Variants in SESN1 observed in about 807,000 individuals in gnomAD.
SESN1 encodes the protein sestrin 1.
SESN1 carries 30 observed loss-of-function variants against 59.3 expected under a neutral mutation model. The observed-to-expected ratio is 0.51, with a 90% CI of 0.38 to 0.69. The LOEUF is 0.69. SESN1 is among the 30% of genes least tolerant of loss of function. The pLI is 0.00. For missense variants in SESN1, 566 were observed against 673.0 expected (o/e 0.84, Z 1.76); for synonymous variants, 197 against 219.9 (o/e 0.90, Z 0.92).
chr6:109,022,075 AT>A (rs1360749353), intron 1 of SESN1, among the ~76,000 whole-genome samples: 1 of 150,420 alleles, frequency 6.6e-6, no homozygotes, highest in Non-Finnish European at 1.5e-5. Context: ...CCCAGTATAT[AT>A]TTTTTGAGAA....
intron 5 of SESN1, among the ~76,000 whole-genome samples, chr6:108,996,075 C>G (rs1177969715): frequency 3.3e-5 from 5 of 152,160 alleles, no homozygotes; most frequent in African/African-American, 1.2e-4. Context: ...GCTCCCTTCC[C>G]AGACCAAACC....
At chr6:109,078,119 ATATT>A (rs1276318783) in intron 1 of SESN1, among the ~76,000 whole-genome samples, 16 of 152,110 alleles carry the variant, frequency 1.1e-4, no homozygotes, top group African/African-American at 3.1e-4. Flanking sequence ...TTAAATTTGT[ATATT>A]TATTTCTTTT....
intron 1 of SESN1, among the ~76,000 whole-genome samples, chr6:109,074,832 A>T (rs1781005085): frequency 6.6e-6 from 1 of 152,226 alleles, no homozygotes; most frequent in Non-Finnish European, 1.5e-5. Flanking sequence ...GCTGACTGCC[A>T]TTTCCTACCT....
At chr6:108,994,001 A>G (rs947804100) in intron 6 of SESN1, among the ~76,000 whole-genome samples, 5 of 152,054 alleles carry the variant, frequency 3.3e-5, no homozygotes, top group Non-Finnish European at 7.4e-5. Flanking sequence ...TTAAGCAGGC[A>G]TGGTGGCATG....
At chr6:109,026,341 G>T (rs1294786964) in intron 1 of SESN1, among the ~76,000 whole-genome samples, 3 of 152,100 alleles carry the variant, frequency 2.0e-5, no homozygotes, top group African/African-American at 7.2e-5. Context: ...AGTCAACAAA[G>T]AAAAAGTTCT....
chr6:109,087,172 G>T (rs887399222), intron 1 of SESN1, among the ~76,000 whole-genome samples: 1 of 151,894 alleles, frequency 6.6e-6, no homozygotes, highest in Non-Finnish European at 1.5e-5. Flanking sequence ...TAAAATAGAC[G>T]AAATCTGAAC....
chr6:109,028,535 T>C (rs1780131800), intron 1 of SESN1, among the ~76,000 whole-genome samples: 1 of 152,192 alleles, frequency 6.6e-6, no homozygotes, highest in African/African-American at 2.4e-5. Flanking sequence ...AGCAAAAAAG[T>C]AAAGTGGTCT....
At chr6:109,090,616 T>A (rs1406039023) in intron 1 of SESN1, 1 of 152,206 alleles carries the variant, frequency 6.6e-6, no homozygotes, top group Non-Finnish European at 1.5e-5. Flanking sequence ...TGGACGTGGA[T>A]AATCATGAAG....
rs1254750453 is a variant in SESN1 at position 108,990,717 on chromosome 6, A to G, written c.1352T>C (p.Met451Thr). Residue 451 changes from methionine (M) to threonine (T), a missense_variant, in exon 8 of 10, where the codon ATG becomes ACG. Transcript: ENST00000436639. ...AYNLTYNTMAMHKDVDTSMLR... is the reference protein window; with the variant it reads ...AYNLTYNTMATHKDVDTSMLR... ...CATTGAGGTATCAACATCTTTGTGC[A>G]TTGCCATTGTATTATAAGTAAGATT... 6.2e-7 allele frequency: 1 copy of G among 1,614,152 alleles called. No homozygotes were observed. The highest frequency in any genetic ancestry group is 8.5e-7 in the Non-Finnish European group (1 of 1,180,008).
At chr6:109,093,028 G>A (rs1004164623) in intron 1 of SESN1, among the ~76,000 whole-genome samples, 3 of 152,218 alleles carry the variant, frequency 2.0e-5, no homozygotes, top group Admixed American at 1.3e-4. Flanking sequence ...ATAAGGTGTT[G>A]CTGAATATTG....
chr6:108,995,459 G>C (rs1779484688), intron 5 of SESN1, among the ~76,000 whole-genome samples: 1 of 152,182 alleles, frequency 6.6e-6, no homozygotes, highest in Non-Finnish European at 1.5e-5. Flanking sequence ...CACTTGCTGG[G>C]ATGACTAGAG....
Position 108,988,614 on chromosome 6 carries a change from C to T in SESN1, c.1498G>A (p.Val500Ile). ...RSFKVYIKTV[V>I]CTPEKVTKRM... ...TTGGTAACCTTTTCAGGAGTGCAAA[C>T]AACAGTTTTGATATAAACTTTAAAG... The change falls in exon 9 of 10, where the codon GTT becomes ATT. Residue 500 changes from valine to isoleucine, a missense_variant. Physicochemically the swap from Val to Ile is conservative, Grantham distance 29. Coordinates refer to ENST00000436639, the MANE Select transcript of SESN1 (RefSeq NM_014454.3). The T allele has an allele frequency of 6.2e-7, 1 of 1,613,102 alleles. No individual in the cohort carries two copies. Among genetic ancestry groups the T allele is most frequent in the Non-Finnish European group, 8.5e-7 (1 of 1,179,522 alleles).
intron 1 of SESN1, among the ~76,000 whole-genome samples, chr6:109,044,792 G>A (rs1345689188): frequency 6.6e-6 from 1 of 152,150 alleles, no homozygotes. Context: ...GGGAGGTCGA[G>A]GAGGGCAGAT....
Position 108,994,054 on chromosome 6 carries a change from C to G in SESN1, c.1120+408G>C, listed in dbSNP as rs866711206. On this transcript the variant is annotated intron_variant, in intron 6 of 9. Transcript: ENST00000436639. The stretch of plus-strand genomic sequence containing the variant: ...ACTCAGGAAGCTGAGGCAGGATGAT[C>G]GCTTGAGCCTAAGAGTCTCAGGTTA... Among the ~76,000 whole-genome samples the G allele has an allele frequency of 1.1e-4, 17 of 150,086 alleles. No homozygotes were observed. In the Middle Eastern group the frequency reaches 0.014, roughly 121 times the overall value.
chr6:109,048,200 T>C (rs188589211), intron 1 of SESN1, among the ~76,000 whole-genome samples: 37 of 152,300 alleles, frequency 2.4e-4, no homozygotes, highest in African/African-American at 6.7e-4. Context: ...CCTTAATCTT[T>C]TGTCTTCCAA....
At chr6:109,065,776 A>C (rs1477261452) in intron 1 of SESN1, among the ~76,000 whole-genome samples, 1 of 151,928 alleles carries the variant, frequency 6.6e-6, no homozygotes, top group African/African-American at 2.4e-5. Context: ...ATACAAAAAA[A>C]TTATTTTCTT....
intron 4 of SESN1, chr6:108,999,201 A>G (rs963565998): frequency 1.4e-4 from 21 of 153,066 alleles, no homozygotes; most frequent in African/African-American, 4.8e-4. Flanking sequence ...GGCTTGAACA[A>G]CTTGATTAAA....
chr6:109,083,190 G>T (rs1292850090), intron 1 of SESN1, among the ~76,000 whole-genome samples: 1 of 152,140 alleles, frequency 6.6e-6, no homozygotes, highest in Non-Finnish European at 1.5e-5. Context: ...AGGAAACTGA[G>T]ACTGTAGAGG....
intron 1 of SESN1, among the ~76,000 whole-genome samples, chr6:109,084,486 G>A (rs1254343434): frequency 6.6e-6 from 1 of 152,174 alleles, no homozygotes; most frequent in Non-Finnish European, 1.5e-5. Flanking sequence ...CCCTGAGGGG[G>A]AGGCTGCAGT....
Sources: gnomAD v4.1 joint callset for allele counts (sites outside exome capture counted in the v4.1 genomes callset) on GRCh38, gnomAD v4.1.1 for gene constraint, MANE v1.5 for transcripts, NCBI Gene and HGNC (gene_info 2026-07-23, HGNC 2026-07-21) for gene names.